Variants in OPRL1 observed in about 807,000 individuals in gnomAD.
OPRL1 encodes opioid related nociceptin receptor 1, also known as nociceptin receptor.
OPRL1 carries 5 observed loss-of-function variants against 15.5 expected under a neutral mutation model. The observed-to-expected ratio is 0.32, with a 90% CI of 0.17 to 0.68. The LOEUF (loss-of-function observed/expected upper bound fraction) is 0.68. Ranked by LOEUF, OPRL1 falls within the 30% of genes least tolerant of loss-of-function variation. The pLI is 0.72. For missense variants in OPRL1, 406 were observed against 515.3 expected (o/e 0.79, Z 2.05); for synonymous variants, 223 against 230.2 (o/e 0.97, Z 0.28).
At position 64,097,855 on chromosome 20, in the gene OPRL1, C is replaced by T. The variant is rs1979363033; in HGVS notation, c.287C>T (p.Ala96Val). The T allele has an allele frequency of 6.2e-7, 1 of 1,613,594 alleles. No homozygotes were observed. The highest frequency in any genetic ancestry group is 2.2e-5 in the East Asian group (1 of 44,892). ...TNIYIFNLAL[A>V]DTLVLLTLPF... Reference sequence around the variant, plus strand: ...ATTTACATCTTTAACCTGGCCCTGGCCGACACTCTGGTCCTGCTGACGCTG... The same window carrying T: ...ATTTACATCTTTAACCTGGCCCTGGTCGACACTCTGGTCCTGCTGACGCTG... The change falls in exon 4 of 5, where the codon GCC becomes GTC. Residue 96 changes from alanine to valine, a missense_variant. Physicochemically the swap from Ala to Val is moderately conservative, Grantham distance 64. Coordinates refer to ENST00000336866, the MANE Select transcript of OPRL1 (RefSeq NM_182647.4). The surrounding 1 kb of genome is among the most constrained non-coding windows in gnomAD (Gnocchi z 4.2).
chr20:64,084,321 G>A (rs1200633917), intron 1 of OPRL1: 1 of 1,290,714 alleles, frequency 7.7e-7, no homozygotes, highest in Non-Finnish European at 9.8e-7. Flanking sequence ...CCCAGCTCCC[G>A]CCCGCTGGGC....
In OPRL1 at chr20:64,083,489, C is replaced by T; in HGVS notation, c.-185+3137C>T. On this transcript the variant is annotated intron_variant, in intron 1 of 4. Transcript: ENST00000336866. The surrounding 1 kb of genome is among the most constrained non-coding windows in gnomAD (Gnocchi z 4.9). ...TCTCCTCCAGGATGGTCTCCACGCG[C>T]CTCCGCTGCCGGGGAGAGAGGCTGG... 1 of 1,593,114 alleles carries T rather than the reference C, an allele frequency of 6.3e-7. No homozygotes were observed.
chr20:64,086,858 C>G (rs372558219), intron 1 of OPRL1, among the ~76,000 whole-genome samples: 4 of 152,142 alleles, frequency 2.6e-5, no homozygotes, highest in African/African-American at 9.7e-5. Flanking sequence ...TCTTGGCCAG[C>G]CCAGGGTGGT....
chr20:64,083,840 C>T lies in OPRL1; in HGVS notation c.-185+3488C>T, dbSNP rs747774749. The T allele has an allele frequency of 7.2e-7, 1 of 1,395,502 alleles. No individual in the cohort carries two copies. Among genetic ancestry groups the T allele is most frequent in the Non-Finnish European group, 9.2e-7 (1 of 1,081,722 alleles). The allele number at this position is 1,395,502 out of a possible 1,614,324, so 86.4% of individuals were successfully genotyped here. The stretch of plus-strand genomic sequence containing the variant: ...CACCCGCATGCGGGTGTAGCGCAGC[C>T]GCAGGGCGCGGACTCGCCCGCGGGC... On this transcript the variant is annotated intron_variant, in intron 1 of 4. Coordinates refer to ENST00000336866, the MANE Select transcript of OPRL1 (RefSeq NM_182647.4). The surrounding 1 kb of genome is among the most constrained non-coding windows in gnomAD (Gnocchi z 4.9).
rs956679122 is a variant in OPRL1 at position 64,099,491 on chromosome 20, C to G, written c.*692C>G. On this transcript the variant is annotated 3_prime_UTR_variant, in exon 5 of 5. Transcript: ENST00000336866. ...GCAGTCCCTGGCTGCAGACCCCGAG[C>G]TGGCCCTGGGCCAGCCGCACCTCTG... 4 of 152,548 alleles carry G rather than the reference C, an allele frequency of 2.6e-5. No individual in the cohort carries two copies. Among genetic ancestry groups the G allele is most frequent in the African/African-American group, 9.7e-5 (4 of 41,450 alleles). The allele number at this position is 152,548 out of a possible 1,614,324, so 9.4% of individuals were successfully genotyped here.
intron 2 of OPRL1, 118 bp from the exon 3 acceptor site, chr20:64,092,570 T>G: frequency 1.5e-6 from 1 of 687,474 alleles, no homozygotes; most frequent in Non-Finnish European, 2.5e-6. Flanking sequence ...TGCCTCAGTG[T>G]CTGTGGCTGC....
chr20:64,093,508 TGGG>T, intron 3 of OPRL1, among the ~76,000 whole-genome samples: 1 of 2,670 alleles, frequency 3.7e-4, no homozygotes, highest in African/African-American at 2.1e-3. Context: ...GGGCAGTGTG[TGGG>T]GGGCGGTGTG....
chr20:64,097,760 A>G lies in OPRL1; in HGVS notation c.234-42A>G. ...TTGCCCTTTGCTGCCTGGTCCAGCC[A>G]GCATGGCCAAGTGAAGCCTTTCTTC... is the stretch of plus-strand genomic sequence containing the variant. On this transcript the variant is annotated intron_variant, in intron 3 of 4. Coordinates refer to ENST00000336866, the MANE Select transcript of OPRL1 (RefSeq NM_182647.4). The surrounding 1 kb of genome is among the most constrained non-coding windows in gnomAD (Gnocchi z 4.2). 1 of 1,569,024 alleles carries G rather than the reference A, an allele frequency of 6.4e-7. No homozygotes were observed.
At chr20:64,080,433 G>A (rs2059954717) in intron 1 of OPRL1, 81 bp downstream of exon 1, 1 of 152,314 alleles carries the variant, frequency 6.6e-6, no homozygotes, top group Admixed American at 6.5e-5. Context: ...TGTGCTGTGG[G>A]GGGTTCCCAA....
chr20:64,093,407 G>A (rs1304345927), intron 3 of OPRL1, among the ~76,000 whole-genome samples: 1 of 141,048 alleles, frequency 7.1e-6, no homozygotes, highest in Non-Finnish European at 1.5e-5. Context: ...GTCTGTGGCT[G>A]AGCCCATGAT....
Position 64,098,715 on chromosome 20 carries a change from G to A in OPRL1, c.1029G>A (p.Val343=), listed in dbSNP as rs767554016. 1.2e-6 allele frequency: 2 copies of A among 1,612,390 alleles called. No individual in the cohort carries two copies. The highest frequency in any genetic ancestry group is 1.7e-6 in the Non-Finnish European group (2 of 1,179,970). Reference sequence around the variant, plus strand: ...GTGCATCTGCCCTGCGCCGGGACGTGCAGGTGTCTGACCGCGTGCGCAGCA... The same window carrying A: ...GTGCATCTGCCCTGCGCCGGGACGTACAGGTGTCTGACCGCGTGCGCAGCA... ...FCCASALRRD[V]QVSDRVRSIA... is the part of the protein sequence containing the mutation. Residue 343 remains valine, a synonymous_variant, in exon 5 of 5, where the codon GTG becomes GTA. Coordinates refer to ENST00000336866, the MANE Select transcript of OPRL1 (RefSeq NM_182647.4).
chr20:64,082,646 G>A (rs2059979903), intron 1 of OPRL1, among the ~76,000 whole-genome samples: 1 of 152,196 alleles, frequency 6.6e-6, no homozygotes, highest in South Asian at 2.1e-4. Context: ...GCCTAGGGAA[G>A]CCCCAGCGTC....
chr20:64,081,501 A>G (rs1229280962), intron 1 of OPRL1, among the ~76,000 whole-genome samples: 4 of 151,172 alleles, frequency 2.6e-5, no homozygotes, highest in African/African-American at 9.7e-5. Context: ...TCACTCTACA[A>G]CCCCCCAGTC....
Position 64,083,951 on chromosome 20 carries a change from A to G in OPRL1, c.-185+3599A>G. On this transcript the variant is annotated intron_variant, in intron 1 of 4. Coordinates refer to ENST00000336866, the MANE Select transcript of OPRL1 (RefSeq NM_182647.4). This position sits in a 1 kb window ranked among gnomAD's most constrained non-coding sequence, Gnocchi z 4.9. ...CTGCGTCCACGGGCGCGGGTCGGGC[A>G]TGCGGTACCCCGGTTCCACCGACCC... 1 of 1,464,612 alleles carries G rather than the reference A, an allele frequency of 6.8e-7. No individual in the cohort carries two copies. Among genetic ancestry groups the G allele is most frequent in the Non-Finnish European group, 9.0e-7 (1 of 1,114,500 alleles). 90.7% of individuals were successfully genotyped at this position (1,464,612 alleles called of 1,614,324 possible).
chr20:64,097,440 T>C lies in OPRL1; in HGVS notation c.234-362T>C, dbSNP rs1457565876. On this transcript the variant is annotated intron_variant, in intron 3 of 4. Coordinates refer to ENST00000336866, the MANE Select transcript of OPRL1 (RefSeq NM_182647.4). The surrounding 1 kb of genome is among the most constrained non-coding windows in gnomAD (Gnocchi z 4.2). ...GGACTCAAAAGCAAGGGGAGCAGAC[T>C]CTTTCCCTTAGGGCTCTAAACCTTT... is the stretch of plus-strand genomic sequence containing the variant. 1.3e-5 allele frequency among the ~76,000 whole-genome samples: 2 copies of C among 152,182 alleles called. No homozygotes were observed. Among genetic ancestry groups the C allele is most frequent in the East Asian group, 3.8e-4 (2 of 5,198 alleles).
In OPRL1 at chr20:64,083,962, C is replaced by G. The variant is rs1167566751; in HGVS notation, c.-185+3610C>G. The G allele has an allele frequency of 3.4e-6, 5 of 1,466,174 alleles. No individual in the cohort carries two copies. Among genetic ancestry groups the G allele is most frequent in the African/African-American group, 1.5e-5 (1 of 67,878 alleles). 90.8% of individuals were successfully genotyped at this position (1,466,174 alleles called of 1,614,324 possible). On this transcript the variant is annotated intron_variant, in intron 1 of 4. Coordinates refer to ENST00000336866, the MANE Select transcript of OPRL1 (RefSeq NM_182647.4). The surrounding 1 kb of genome is among the most constrained non-coding windows in gnomAD (Gnocchi z 4.9). ...GGCGCGGGTCGGGCATGCGGTACCC[C>G]GGTTCCACCGACCCGCACGGGAAGG...
At position 64,089,738 on chromosome 20, in the gene OPRL1, G is replaced by T. The variant is rs2145591852; in HGVS notation, c.-184-2228G>T. Among the ~76,000 whole-genome samples the T allele has an allele frequency of 6.6e-6, 1 of 152,336 alleles. No individual in the cohort carries two copies. The highest frequency in any genetic ancestry group is 1.9e-4 in the East Asian group (1 of 5,178). ...CACTCTGCCCTGGCCTCTGACACTG[G>T]TTCCTGGTCCGGGGACATCAGGTTG... On this transcript the variant is annotated intron_variant, in intron 1 of 4. Coordinates refer to ENST00000336866, the MANE Select transcript of OPRL1 (RefSeq NM_182647.4). This position sits in a 1 kb window ranked among gnomAD's most constrained non-coding sequence, Gnocchi z 5.5.
intron 1 of OPRL1, among the ~76,000 whole-genome samples, chr20:64,082,242 C>T (rs2059975124): frequency 6.6e-6 from 1 of 152,200 alleles, no homozygotes; most frequent in African/African-American, 2.4e-5. Flanking sequence ...CCCCTTCTCC[C>T]TGGCCTCCTT....
At position 64,097,757 on chromosome 20, in the gene OPRL1, G is replaced by T. The variant is rs1481189806; in HGVS notation, c.234-45G>T. The T allele has an allele frequency of 1.3e-6, 2 of 1,564,206 alleles. No individual in the cohort carries two copies. The highest frequency in any genetic ancestry group is 1.7e-6 in the Non-Finnish European group (2 of 1,143,630). On this transcript the variant is annotated intron_variant, in intron 3 of 4. Coordinates refer to ENST00000336866, the MANE Select transcript of OPRL1 (RefSeq NM_182647.4). This position sits in a 1 kb window ranked among gnomAD's most constrained non-coding sequence, Gnocchi z 4.2. ...CCCTTGCCCTTTGCTGCCTGGTCCAGCCAGCATGGCCAAGTGAAGCCTTTC... is the reference window on the plus strand; with the variant it reads ...CCCTTGCCCTTTGCTGCCTGGTCCATCCAGCATGGCCAAGTGAAGCCTTTC...
Sources: allele counts gnomAD v4.1 joint callset (sites outside exome capture counted in the v4.1 genomes callset), GRCh38; gene constraint gnomAD v4.1.1; non-coding constraint Gnocchi (gnomAD v3.1); transcripts MANE v1.5; gene names NCBI Gene and HGNC (gene_info 2026-07-23, HGNC 2026-07-21).